The following GLT1D1 variants were observed in gnomAD, a reference collection of about 807,000 sequenced individuals.
The protein encoded by GLT1D1 is glycosyltransferase 1 domain-containing protein 1.
A neutral mutation model predicts 28.7 loss-of-function variants in GLT1D1; 21 were observed. That is an observed-to-expected ratio of 0.73 (90% CI 0.52 to 1.05). The LOEUF is 1.05. Among genes scored for constraint, GLT1D1 ranks in the 50% least tolerant of loss-of-function variants. The pLI is 0.00. For synonymous variants in GLT1D1, 147 were observed against 124.8 expected (o/e 1.18, Z -1.19); for missense variants, 343 against 330.6 (o/e 1.04, Z -0.29).
intron 3 of GLT1D1, among the ~76,000 whole-genome samples, chr12:128,896,146 G>GGTAA (rs1869598912): frequency 1.3e-5 from 2 of 152,044 alleles, no homozygotes; most frequent in Admixed American, 6.6e-5. Flanking sequence ...GTTGAGTCAA[G>GGTAA]GTAACACCAG....
rs527532610 is a variant in GLT1D1, at chr12:128,981,516, A to G, written c.640-1413A>G. On this transcript the variant is annotated intron_variant, in intron 7 of 7. Transcript: ENST00000281703. ...ATTATAAAACGACCACCAATTTACT[A>G]TGAAGTATAAACGTAATCTATAAAC... Among the ~76,000 whole-genome samples the G allele has an allele frequency of 1.2e-4, 19 of 152,372 alleles. No homozygotes were observed. In the South Asian group the frequency reaches 3.7e-3, roughly 30 times the overall value.
intron 7 of GLT1D1, among the ~76,000 whole-genome samples, chr12:128,959,933 C>G (rs1322591825): frequency 1.3e-5 from 2 of 152,250 alleles, no homozygotes; most frequent in Middle Eastern, 3.4e-3. Context: ...GTCTGAATAG[C>G]AATTCCTTAT....
rs753991383 is a variant in GLT1D1 at position 128,983,046 on chromosome 12, T to A, written c.757T>A (p.Tyr253Asn). ...TTCATGGCAGGTGGAAAGAGACACC[T>A]ACCAACAGCTCATCAGGAAGCTGGA... Residue 253 changes from tyrosine (Y) to asparagine (N), a missense_variant, in exon 8 of 8, where the codon TAC (tyrosine) becomes AAC (asparagine). Physicochemically the swap from Tyr to Asn is moderately radical, Grantham distance 143. Coordinates refer to ENST00000281703, the MANE Select transcript of GLT1D1 (RefSeq NM_144669.3). This position sits in a 1 kb window ranked among gnomAD's most constrained non-coding sequence, Gnocchi z 4.7. 6.2e-7 allele frequency: 1 copy of A among 1,614,116 alleles called. No homozygotes were observed. The highest frequency in any genetic ancestry group is 8.5e-7 in the Non-Finnish European group (1 of 1,179,990).
intron 1 of GLT1D1, among the ~76,000 whole-genome samples, chr12:128,856,251 G>T (rs1956220179): frequency 6.6e-6 from 1 of 152,112 alleles, no homozygotes; most frequent in Admixed American, 6.5e-5. Context: ...GGTCGGTCTT[G>T]GCTGGCTTCT....
At chr12:128,917,547 G>A (rs1054014449) in intron 4 of GLT1D1, among the ~76,000 whole-genome samples, 1 of 152,052 alleles carries the variant, frequency 6.6e-6, no homozygotes, top group Non-Finnish European at 1.5e-5. Context: ...CAAAGTGCCG[G>A]GATTACAGGC....
chr12:128,958,250 C>T lies in GLT1D1; in HGVS notation c.639+607C>T, dbSNP rs146105525. Among the ~76,000 whole-genome samples the T allele has an allele frequency of 5.0e-4, 76 of 152,276 alleles. No homozygotes were observed. The East Asian group carries it at 0.014, about 27-fold the overall frequency. On this transcript the variant is annotated intron_variant, in intron 7 of 7. Transcript: ENST00000281703. ...CGGTCCAGGGTTTGCCTGCATCCGA[C>T]GCCCTGAGTGCCTCCTGCAGAGAGT...
chr12:128,937,119 T>C (rs2135471479), intron 4 of GLT1D1, among the ~76,000 whole-genome samples: 1 of 152,300 alleles, frequency 6.6e-6, no homozygotes, highest in South Asian at 2.1e-4. Context: ...GCTAATAAAA[T>C]TAAAAGTAAG....
At chr12:128,901,422 TTCTCTC>T (rs1169066905) in intron 4 of GLT1D1, among the ~76,000 whole-genome samples, 1 of 146,598 alleles carries the variant, frequency 6.8e-6, no homozygotes, top group Non-Finnish European at 1.5e-5. Context: ...GCCTGACCTT[TTCTCTC>T]TCTCTCTCTC....
intron 4 of GLT1D1, 128 bp from the exon 7 acceptor site, chr12:128,926,231 A>ATAG (rs1566139143): frequency 1.2e-5 from 3 of 250,500 alleles, no homozygotes; most frequent in African/African-American, 7.4e-5. Flanking sequence ...AATAATAATA[A>ATAG]TAATAAGAGT....
intron 6 of GLT1D1, among the ~76,000 whole-genome samples, chr12:128,953,892 C>T (rs470421): frequency 0.15 from 22,794 of 151,460 alleles, 1,958 homozygotes; most frequent in East Asian, 0.3. Context: ...ATTGCAGGCA[C>T]AAGCCACCAT....
intron 4 of GLT1D1, among the ~76,000 whole-genome samples, chr12:128,912,058 C>T (rs184638681): frequency 3.0e-4 from 46 of 152,244 alleles, no homozygotes; most frequent in African/African-American, 1.0e-3. Flanking sequence ...TCCACCTCCA[C>T]GCAGGGGCGG....
At chr12:128,943,587 C>T (rs1452437109) in intron 4 of GLT1D1, among the ~76,000 whole-genome samples, 1 of 152,134 alleles carries the variant, frequency 6.6e-6, no homozygotes, top group South Asian at 2.1e-4. Context: ...ACCCTCAGTA[C>T]ATATGTATTT....
chr12:128,868,008 T>C (rs1956590554), intron 1 of GLT1D1, among the ~76,000 whole-genome samples: 1 of 152,196 alleles, frequency 6.6e-6, no homozygotes, highest in Admixed American at 6.5e-5. Context: ...AGTAATTGAA[T>C]TGAAAGCTAA....
At position 128,957,583 on chromosome 12, in the gene GLT1D1, C is replaced by G; in HGVS notation, c.579C>G (p.Ile193Met). The change falls in exon 7 of 8, where the codon ATC becomes ATG. Residue 193 changes from isoleucine (I) to methionine (M), a missense_variant. Physicochemically the swap from Ile to Met is conservative, Grantham distance 10. Coordinates refer to ENST00000281703, the MANE Select transcript of GLT1D1 (RefSeq NM_144669.3). Reference sequence around the variant, plus strand: ...AAGTACCGGTATTGGCCAGGAACATCCCCGGGAATGCTGCCGTGGTGAAGC... The same window carrying G: ...AAGTACCGGTATTGGCCAGGAACATGCCCGGGAATGCTGCCGTGGTGAAGC... 1 of 1,613,814 alleles carries G rather than the reference C, an allele frequency of 6.2e-7. No individual in the cohort carries two copies. The highest frequency in any genetic ancestry group is 1.7e-5 in the Admixed American group (1 of 60,014).
intron 4 of GLT1D1, among the ~76,000 whole-genome samples, chr12:128,918,128 A>G (rs1245912858): frequency 2.6e-5 from 4 of 152,260 alleles, no homozygotes; most frequent in African/African-American, 9.6e-5. Context: ...CTATGCAGCC[A>G]TAAAAACGAA....
At chr12:128,877,427 G>T (rs1552334) in intron 2 of GLT1D1, among the ~76,000 whole-genome samples, 3,277 of 152,270 alleles carry the variant, frequency 0.022, 65 homozygotes, top group Non-Finnish European at 0.03. Context: ...TTTCCACACT[G>T]TATCAAACCT....
intron 3 of GLT1D1, among the ~76,000 whole-genome samples, chr12:128,890,538 C>A (rs1226933649): frequency 6.6e-6 from 1 of 152,068 alleles, no homozygotes. Flanking sequence ...AATCCCAGCA[C>A]TTTGGGAGGC....
chr12:128,941,662 C>T (rs470635), intron 4 of GLT1D1, among the ~76,000 whole-genome samples: 19,886 of 149,674 alleles, frequency 0.13, 1,482 homozygotes, highest in South Asian at 0.27. Flanking sequence ...AACCTCCGCA[C>T]CCCGGGTTCA....
Position 128,973,179 on chromosome 12 carries a change from G to GTTTTTTTTTTTTTTTTTTT in GLT1D1, c.640-9741_640-9723dup, listed in dbSNP as rs61169176. 1.2e-3 allele frequency among the ~76,000 whole-genome samples: 61 copies of GTTTTTTTTTTTTTTTTTTT among 50,986 alleles called. 13 individuals are homozygous for GTTTTTTTTTTTTTTTTTTT. Among genetic ancestry groups the GTTTTTTTTTTTTTTTTTTT allele is most frequent in the Non-Finnish European group, 1.9e-3 (48 of 24,890 alleles). The allele number at this position is 50,986 out of a possible 152,430, so 33.4% of individuals were successfully genotyped here. ...CTTTTCTGTTTTGTTTGTTTGCTTG[G>GTTTTTTTTTTTTTTTTTTT]TTTTTTTTTTTTTTTTTTTTTTTTT... On this transcript the variant is annotated intron_variant, in intron 7 of 7. Coordinates refer to ENST00000281703, the MANE Select transcript of GLT1D1 (RefSeq NM_144669.3).
Sources: gnomAD v4.1 joint callset for allele counts (sites outside exome capture counted in the v4.1 genomes callset) on GRCh38, gnomAD v4.1.1 for gene constraint, Gnocchi (gnomAD v3.1) non-coding constraint, MANE v1.5 for transcripts, NCBI Gene and HGNC (gene_info 2026-07-23, HGNC 2026-07-21) for gene names.